The following AGPAT5 variants were observed in gnomAD, a reference collection of about 807,000 sequenced individuals.
AGPAT5 encodes 1-acyl-sn-glycerol-3-phosphate acyltransferase epsilon.
In AGPAT5, 46 loss-of-function variants were observed where a neutral mutation model predicts 45.6. The observed-to-expected ratio is 1.01, with a 90% CI of 0.80 to 1.29. AGPAT5 has a LOEUF of 1.29. Among genes scored for constraint, AGPAT5 ranks in the 50% most tolerant of loss-of-function variants. The pLI is 0.00. For missense variants in AGPAT5, 673 were observed against 450.7 expected (o/e 1.49, Z -4.47); for synonymous variants, 272 against 167.0 (o/e 1.63, Z -4.85).
At chr8:6,709,550 T>C (rs1800071194) in intron 1 of AGPAT5, 1 of 111,946 alleles carries the variant, frequency 8.9e-6, no homozygotes, top group Non-Finnish European at 1.8e-5. Context: ...ACAGTAGGTA[T>C]TTGAAGTGTT....
chr8:6,711,699 G>A (rs1487300817), intron 1 of AGPAT5, among the ~76,000 whole-genome samples: 1 of 152,208 alleles, frequency 6.6e-6, no homozygotes, highest in Non-Finnish European at 1.5e-5. Flanking sequence ...AAATCAAGGT[G>A]TAGGCTCAAT....
chr8:6,727,651 G>T (rs1800733002), intron 2 of AGPAT5, among the ~76,000 whole-genome samples: 1 of 152,218 alleles, frequency 6.6e-6, no homozygotes, highest in South Asian at 2.1e-4. Context: ...AAAGTGCAGG[G>T]ATTACAGGCG....
chr8:6,714,443 A>T (rs1433565687), intron 1 of AGPAT5, among the ~76,000 whole-genome samples: 1 of 152,272 alleles, frequency 6.6e-6, no homozygotes, highest in Admixed American at 6.5e-5. Flanking sequence ...TACTAAAAAA[A>T]TGTAACTAGA....
At chr8:6,714,449 C>G (rs1351459460) in intron 1 of AGPAT5, among the ~76,000 whole-genome samples, 1 of 152,176 alleles carries the variant, frequency 6.6e-6, no homozygotes, top group Non-Finnish European at 1.5e-5. Flanking sequence ...AAAAATGTAA[C>G]TAGAACTCTA....
intron 1 of AGPAT5, among the ~76,000 whole-genome samples, chr8:6,721,873 A>G (rs898289025): frequency 1.3e-5 from 2 of 151,928 alleles, no homozygotes; most frequent in African/African-American, 4.8e-5. Flanking sequence ...TCTTTATTTT[A>G]AAGAGACAGG....
chr8:6,708,775 G>A lies in AGPAT5; in HGVS notation c.107G>A (p.Arg36Gln), dbSNP rs1208018553. 2 of 1,608,910 alleles carry A rather than the reference G, an allele frequency of 1.2e-6. No individual in the cohort carries two copies. Among genetic ancestry groups the A allele is most frequent in the East Asian group, 2.2e-5 (1 of 44,824 alleles). The change falls in exon 1 of 8, where the codon CGG becomes CAG. Residue 36 changes from arginine (R) to glutamine (Q), a missense_variant. Coordinates refer to ENST00000285518, the MANE Select transcript of AGPAT5 (RefSeq NM_018361.5). ...TACGTGTTGGCCTGGGGGGTCTGGC[G>A]GCTGCTCTCCGCCTTCCTGCCCGCC... ...PTYVLAWGVWRLLSAFLPARF... is the reference protein window; with the variant it reads ...PTYVLAWGVWQLLSAFLPARF...
chr8:6,744,898 G>A (rs1282238968), intron 5 of AGPAT5, among the ~76,000 whole-genome samples: 1 of 152,116 alleles, frequency 6.6e-6, no homozygotes, highest in Non-Finnish European at 1.5e-5. Context: ...CCCTTCCTTA[G>A]CAGTGGAGAA....
chr8:6,747,887 T>TACTGCAA, intron 6 of AGPAT5, 59 bp downstream of exon 6: 1 of 1,495,574 alleles, frequency 6.7e-7, no homozygotes, highest in Non-Finnish European at 9.0e-7. Context: ...CACATGTTTA[T>TACTGCAA]GTAGAATTCA....
chr8:6,729,656 C>T (rs1207175416), intron 2 of AGPAT5, among the ~76,000 whole-genome samples: 2 of 152,162 alleles, frequency 1.3e-5, no homozygotes, highest in East Asian at 3.8e-4. Context: ...CCTCTGTTTC[C>T]CATCTTCTGC....
At chr8:6,731,125 A>G (rs1800847613) in intron 3 of AGPAT5, among the ~76,000 whole-genome samples, 2 of 152,238 alleles carry the variant, frequency 1.3e-5, no homozygotes, top group African/African-American at 4.8e-5. Flanking sequence ...GCCTACCAAA[A>G]TGCTGGATTA....
At chr8:6,744,156 CAT>C (rs1208571923) in intron 5 of AGPAT5, among the ~76,000 whole-genome samples, 1 of 151,906 alleles carries the variant, frequency 6.6e-6, no homozygotes, top group African/African-American at 2.4e-5. Flanking sequence ...TTAGAAAAGA[CAT>C]AAACTAGAAA....
chr8:6,719,778 T>TA (rs1323696365), intron 1 of AGPAT5, among the ~76,000 whole-genome samples: 4 of 152,166 alleles, frequency 2.6e-5, no homozygotes, highest in African/African-American at 4.8e-5. Flanking sequence ...TATCTTCTCT[T>TA]AAAAAATCTG....
In AGPAT5 at chr8:6,760,096, T is replaced by A. The variant is rs1479720032; in HGVS notation, c.*2708T>A. Among the ~76,000 whole-genome samples the A allele has an allele frequency of 6.6e-6, 1 of 152,220 alleles. No individual in the cohort carries two copies. Among genetic ancestry groups the A allele is most frequent in the Non-Finnish European group, 1.5e-5 (1 of 68,048 alleles). On this transcript the variant is annotated 3_prime_UTR_variant, in exon 8 of 8. Coordinates refer to ENST00000285518, the MANE Select transcript of AGPAT5 (RefSeq NM_018361.5). ...TATGGGTTACATAAGCTTTATTTTT[T>A]CCTTTGTTCATAATTATATTCTTTG...
intron 2 of AGPAT5, among the ~76,000 whole-genome samples, chr8:6,728,121 A>G (rs565405172): frequency 6.6e-6 from 1 of 152,184 alleles, no homozygotes; most frequent in Non-Finnish European, 1.5e-5. Context: ...GAGGATAGGG[A>G]TGAGGAAATT....
At chr8:6,755,910 C>G (rs571615597) in intron 7 of AGPAT5, among the ~76,000 whole-genome samples, 1 of 152,248 alleles carries the variant, frequency 6.6e-6, no homozygotes, top group East Asian at 1.9e-4. Context: ...GCGAGCCATT[C>G]AGGACCACTT....
At chr8:6,711,316 C>G (rs1420861512) in intron 1 of AGPAT5, among the ~76,000 whole-genome samples, 1 of 152,100 alleles carries the variant, frequency 6.6e-6, no homozygotes, top group Non-Finnish European at 1.5e-5. Context: ...TTTTTCTTCC[C>G]CAATTTCACT....
At chr8:6,748,151 G>C (rs1405869676) in intron 6 of AGPAT5, among the ~76,000 whole-genome samples, 1 of 152,152 alleles carries the variant, frequency 6.6e-6, no homozygotes, top group Non-Finnish European at 1.5e-5. Flanking sequence ...CGGCAGTACT[G>C]AGTGCACGTT....
At chr8:6,735,879 G>C (rs998114022) in intron 4 of AGPAT5, among the ~76,000 whole-genome samples, 1 of 116,724 alleles carries the variant, frequency 8.6e-6, no homozygotes, top group Non-Finnish European at 1.7e-5. Context: ...TTTTGAGTTG[G>C]AGTCTCGGTC....
chr8:6,741,640 A>G (rs144815183), intron 4 of AGPAT5, 21 bp from the exon 5 acceptor site: 3 of 1,554,874 alleles, frequency 1.9e-6, no homozygotes, highest in East Asian at 2.3e-5. Context: ...AAATAAACCA[A>G]ATTTGCTCTA....
Sources: allele counts gnomAD v4.1 joint callset (sites outside exome capture counted in the v4.1 genomes callset), GRCh38; gene constraint gnomAD v4.1.1; transcripts MANE v1.5; gene names NCBI Gene and HGNC (gene_info 2026-07-23, HGNC 2026-07-21).